Variants in ITGA1 observed in about 807,000 individuals in gnomAD.
The protein encoded by ITGA1 is integrin subunit alpha 1.
A neutral mutation model predicts 145.9 loss-of-function variants in ITGA1; 85 were observed. The observed-to-expected ratio is 0.58, with a 90% CI of 0.49 to 0.70. The LOEUF is 0.70. ITGA1 is among the 30% of genes least tolerant of loss of function. The pLI is 0.00. For synonymous variants in ITGA1, 520 were observed against 495.3 expected (o/e 1.05, Z -0.66); for missense variants, 1,351 against 1,418.7 (o/e 0.95, Z 0.77).
intron 6 of ITGA1, among the ~76,000 whole-genome samples, chr5:52,879,829 A>G (rs569322075): frequency 1.5e-4 from 23 of 152,296 alleles, no homozygotes; most frequent in African/African-American, 5.5e-4. Flanking sequence ...CCTGGACATG[A>G]ATTGAGCAGA....
intron 1 of ITGA1, among the ~76,000 whole-genome samples, chr5:52,848,642 T>C (rs936444662): frequency 6.6e-6 from 1 of 152,200 alleles, no homozygotes; most frequent in Admixed American, 6.5e-5. Context: ...GTTTGTTACA[T>C]ATGTATACAT....
intron 15 of ITGA1, among the ~76,000 whole-genome samples, chr5:52,916,439 A>G (rs952497235): frequency 8.5e-5 from 13 of 152,178 alleles, no homozygotes; most frequent in African/African-American, 3.1e-4. Flanking sequence ...ACATACATCA[A>G]TGCTCTTTTT....
At chr5:52,892,987 T>C (rs1750173518) in intron 8 of ITGA1, among the ~76,000 whole-genome samples, 1 of 151,896 alleles carries the variant, frequency 6.6e-6, no homozygotes. Context: ...TGTATATAAT[T>C]TATTGCAATA....
rs149583726 is a variant in ITGA1 at position 52,958,004 on chromosome 5, C to T, written c.*5553C>T. 3.3e-4 allele frequency: 50 copies of T among 152,170 alleles called. No homozygotes were observed. In the East Asian group the frequency reaches 9.7e-3, roughly 29 times the overall value. The allele number at this position is 152,170 out of a possible 1,614,324, so 9.4% of individuals were successfully genotyped here. A position where few individuals can be genotyped will look rare whatever the true frequency, so the allele number is the denominator to read the frequency against. Reference sequence around the variant, plus strand: ...TAAAAACAAATCTTCCAAATGACACCACAATGAAAGCCAGTTGTGGTCTTG... The same window carrying T: ...TAAAAACAAATCTTCCAAATGACACTACAATGAAAGCCAGTTGTGGTCTTG... On this transcript the variant is annotated 3_prime_UTR_variant, in exon 29 of 29. Transcript: ENST00000282588.
Position 52,925,475 on chromosome 5 carries a change from T to C in ITGA1, c.2601T>C (p.Phe867=). The C allele has an allele frequency of 1.2e-6, 2 of 1,612,298 alleles. No individual in the cohort carries two copies. Among genetic ancestry groups the C allele is most frequent in the Non-Finnish European group, 1.7e-6 (2 of 1,178,528 alleles). The part of the protein sequence containing the change: ...TIVHYSPNLV[F]SGIEAIQKDS... ...TGCATTATTCTCCAAATCTAGTTTT[T>C]TCAGGAATTGAGGTAAACTTCCAGT... The change falls in exon 19 of 29, where the codon TTT becomes TTC. Residue 867 remains phenylalanine (F), a synonymous_variant. Transcript: ENST00000282588.
chr5:52,911,849 T>C (rs190188303), intron 14 of ITGA1, among the ~76,000 whole-genome samples: 136 of 136,394 alleles, frequency 1.0e-3, no homozygotes, highest in African/African-American at 3.2e-3. Flanking sequence ...GGTGTATCTA[T>C]ATACACACAC....
intron 23 of ITGA1, among the ~76,000 whole-genome samples, chr5:52,936,847 G>A (rs989296428): frequency 2.0e-5 from 3 of 151,994 alleles, no homozygotes; most frequent in Admixed American, 1.3e-4. Flanking sequence ...CCAGTGTCAC[G>A]GTAGCCCTAG....
intron 12 of ITGA1, among the ~76,000 whole-genome samples, chr5:52,907,847 A>G (rs758945995): frequency 1.7e-4 from 26 of 152,166 alleles, no homozygotes; most frequent in Non-Finnish European, 3.2e-4. Context: ...TATTTTATTT[A>G]TGTTTATAAT....
At chr5:52,853,121 A>G (rs1385650755) in intron 2 of ITGA1, among the ~76,000 whole-genome samples, 1 of 152,210 alleles carries the variant, frequency 6.6e-6, no homozygotes, top group Non-Finnish European at 1.5e-5. Flanking sequence ...GTTGACATTT[A>G]TTATTTACAA....
intron 1 of ITGA1, among the ~76,000 whole-genome samples, chr5:52,830,149 G>A (rs779954147): frequency 1.2e-4 from 18 of 152,222 alleles, no homozygotes; most frequent in Admixed American, 2.6e-4. Context: ...AGCAATTTTA[G>A]TATCAGAACA....
intron 22 of ITGA1, chr5:52,933,422 T>C (rs529052723): frequency 6.6e-6 from 1 of 152,204 alleles, no homozygotes; most frequent in Non-Finnish European, 1.5e-5. Flanking sequence ...CTTAAAAACA[T>C]ACTATTTTAC....
chr5:52,822,585 G>T (rs576188566), intron 1 of ITGA1, among the ~76,000 whole-genome samples: 1 of 152,188 alleles, frequency 6.6e-6, no homozygotes, highest in African/African-American at 2.4e-5. Context: ...TGGCCAAGTG[G>T]CCCAAGCCTG....
chr5:52,887,347 T>C (rs1272786180), intron 7 of ITGA1, among the ~76,000 whole-genome samples: 2 of 152,046 alleles, frequency 1.3e-5, no homozygotes, highest in African/African-American at 2.4e-5. Flanking sequence ...GATTAGAGGA[T>C]TTTCGAGCCA....
intron 27 of ITGA1, among the ~76,000 whole-genome samples, chr5:52,946,313 C>A (rs910879447): frequency 6.6e-6 from 1 of 152,118 alleles, no homozygotes; most frequent in African/African-American, 2.4e-5. Context: ...ATGGAAGGAT[C>A]ACTTTAGCCC....
At chr5:52,791,513 C>T (rs1561208633) in intron 1 of ITGA1, among the ~76,000 whole-genome samples, 3 of 152,306 alleles carry the variant, frequency 2.0e-5, no homozygotes, top group South Asian at 4.1e-4. Flanking sequence ...CCTCTGATGT[C>T]TTGCTCAGCC....
At chr5:52,843,900 G>C (rs1749295673) in intron 1 of ITGA1, among the ~76,000 whole-genome samples, 1 of 151,982 alleles carries the variant, frequency 6.6e-6, no homozygotes, top group African/African-American at 2.4e-5. Flanking sequence ...CTGCTGTCCT[G>C]CCTCACCTCC....
intron 6 of ITGA1, among the ~76,000 whole-genome samples, chr5:52,877,098 T>C (rs2111796854): frequency 6.6e-6 from 1 of 152,354 alleles, no homozygotes; most frequent in East Asian, 1.9e-4. Context: ...CTTGAAGTTT[T>C]ATCTATTTTT....
intron 18 of ITGA1, among the ~76,000 whole-genome samples, chr5:52,924,785 A>G (rs6889474): frequency 0.031 from 4,662 of 152,178 alleles, 275 homozygotes; most frequent in African/African-American, 0.11. Flanking sequence ...AGTAGAATGG[A>G]CAGGGCTTGG....
chr5:52,932,209 T>G, intron 22 of ITGA1, 73 bp downstream of exon 22: 1 of 896,998 alleles, frequency 1.1e-6, no homozygotes. Context: ...GGTCCCTGCC[T>G]GGCCAAGGGC....
Sources: gnomAD v4.1 joint callset for allele counts (sites outside exome capture counted in the v4.1 genomes callset) on GRCh38, gnomAD v4.1.1 for gene constraint, MANE v1.5 for transcripts, NCBI Gene and HGNC (gene_info 2026-07-23, HGNC 2026-07-21) for gene names.